TTC28: variants seen among roughly 807,000 people sequenced by gnomAD.
TTC28 encodes tetratricopeptide repeat protein 28.
Under a neutral mutation model 198.0 loss-of-function variants are expected in TTC28, and 61 were observed. The ratio of observed to expected loss-of-function variants is 0.31; its 90% CI spans 0.25 to 0.38. The LOEUF (loss-of-function observed/expected upper bound fraction) is 0.38. Among genes scored for constraint, TTC28 ranks in the 10% least tolerant of loss-of-function variants. The probability of loss-of-function intolerance (pLI) is 1.00; values close to 1 mark genes in which losing one functional copy is unlikely to be tolerated. For missense variants in TTC28, 2,678 were observed against 3,164.0 expected, an observed-to-expected ratio of 0.85 and a Z score of 3.69; for synonymous variants, 1,171 against 1,297.8, an observed-to-expected ratio of 0.90 and a Z score of 2.10.
chr22:28,403,225 T>C (rs1352880982), intron 2 of TTC28, among the ~76,000 whole-genome samples: 1 of 152,198 alleles, frequency 6.6e-6, no homozygotes, highest in Admixed American at 6.5e-5. Flanking sequence ...TAGTCTATTG[T>C]AACCAGCGCT....
rs113194642 is a variant in TTC28 at position 28,087,766 on chromosome 22, C to T, written c.3932+6314G>A. ...ATGATTGTATATCTAGAAAACCCCA[C>T]TGTCTCAGCCCAAAATCTCCTTAAG... On this transcript the variant is annotated intron_variant, in intron 12 of 22. Coordinates refer to ENST00000397906, the MANE Select transcript of TTC28 (RefSeq NM_001145418.2). 5.0e-3 allele frequency among the ~76,000 whole-genome samples: 757 copies of T among 152,170 alleles called. 7 individuals carry two copies. Among genetic ancestry groups the T allele is most frequent in the South Asian group, 0.023 (112 of 4,820 alleles).
chr22:28,032,239 TATATATATAAAATATATATATATATATA>T (rs1939148649), intron 12 of TTC28, among the ~76,000 whole-genome samples: 1 of 120,304 alleles, frequency 8.3e-6, no homozygotes, highest in African/African-American at 3.5e-5. Context: ...ATATAAAATA[TATATATATAAAATATATATATATATATA>T]GTGTGTGTGT....
intron 13 of TTC28, among the ~76,000 whole-genome samples, chr22:28,016,132 G>T (rs1033762519): frequency 1.3e-5 from 2 of 152,112 alleles, no homozygotes; most frequent in African/African-American, 4.8e-5. Flanking sequence ...AAGCAGAGCA[G>T]CAGGACTTGG....
intron 2 of TTC28, among the ~76,000 whole-genome samples, chr22:28,625,254 A>G (rs2051060905): frequency 6.6e-6 from 1 of 152,162 alleles, no homozygotes. Context: ...GCATACACAA[A>G]AGAAAGGAAG....
chr22:28,407,169 T>C (rs536688586), intron 2 of TTC28, among the ~76,000 whole-genome samples: 284 of 152,332 alleles, frequency 1.9e-3, no homozygotes, highest in Admixed American at 3.3e-3. Flanking sequence ...ATAGTGGACA[T>C]TTATTTATTC....
chr22:28,536,468 C>CA (rs2049281301), intron 2 of TTC28, among the ~76,000 whole-genome samples: 1 of 151,520 alleles, frequency 6.6e-6, no homozygotes, highest in East Asian at 2.0e-4. Context: ...ACTAAAAATA[C>CA]AAAAAATTAG....
intron 2 of TTC28, among the ~76,000 whole-genome samples, chr22:28,621,465 A>G (rs746456642): frequency 3.3e-5 from 5 of 152,088 alleles, no homozygotes; most frequent in Non-Finnish European, 7.3e-5. Context: ...CTATAATCCC[A>G]GCACTTCAGG....
chr22:28,303,872 A>T (rs916919714), intron 3 of TTC28: 11 of 152,062 alleles, frequency 7.2e-5, no homozygotes, highest in African/African-American at 2.6e-4. Context: ...AAAAAAAAAA[A>T]ATACAAAAAC....
chr22:28,087,137 G>C (rs1305501107), intron 12 of TTC28, among the ~76,000 whole-genome samples: 1 of 152,230 alleles, frequency 6.6e-6, no homozygotes, highest in South Asian at 2.1e-4. Context: ...TAGAAAAAGA[G>C]GGAATCCTCC....
At chr22:28,325,461 C>A (rs893748417) in intron 2 of TTC28, among the ~76,000 whole-genome samples, 6 of 152,050 alleles carry the variant, frequency 3.9e-5, no homozygotes, top group Non-Finnish European at 7.4e-5. Flanking sequence ...AACACTGAAA[C>A]ACAGTCCATA....
At chr22:28,216,882 T>C (rs1270271217) in intron 5 of TTC28, among the ~76,000 whole-genome samples, 1 of 152,004 alleles carries the variant, frequency 6.6e-6, no homozygotes, top group East Asian at 1.9e-4. Flanking sequence ...CCACCATGCT[T>C]GGCAATTTTT....
intron 2 of TTC28, among the ~76,000 whole-genome samples, chr22:28,493,896 C>T (rs532919599): frequency 4.4e-4 from 67 of 152,034 alleles, no homozygotes; most frequent in African/African-American, 1.4e-3. Context: ...AAGTAATTTG[C>T]GAAGGGAAAG....
In TTC28 at chr22:28,587,317, C is replaced by T. The variant is rs548181080; in HGVS notation, c.381+42235G>A. Among the ~76,000 whole-genome samples, 10 of 152,190 alleles carry T rather than the reference C, an allele frequency of 6.6e-5. No individual in the cohort carries two copies. In the South Asian group the frequency reaches 2.1e-3, roughly 32 times the overall value. ...CTGAGGAGGTAGAGGTTGCAGTGAGCGGAAATCGTGCCACTGCACTCCAAC... is the reference window on the plus strand; with the variant it reads ...CTGAGGAGGTAGAGGTTGCAGTGAGTGGAAATCGTGCCACTGCACTCCAAC... On this transcript the variant is annotated intron_variant, in intron 2 of 22. Transcript: ENST00000397906.
In TTC28 at chr22:28,629,306, TA is replaced by T. The variant is rs892550921; in HGVS notation, c.381+245del. 1.4e-3 allele frequency: 648 copies of T among 450,818 alleles called. 7 individuals carry two copies. In the East Asian group the frequency reaches 0.015, roughly 10 times the overall value. 27.9% of individuals were successfully genotyped at this position (450,818 alleles called of 1,614,324 possible). On this transcript the variant is annotated intron_variant, in intron 2 of 22. Transcript: ENST00000397906. ...TATCTTACTTATCAAGCGGCACAGA[TA>T]AAAAAAAATTTAAATCTCACACATA...
intron 5 of TTC28, among the ~76,000 whole-genome samples, chr22:28,204,603 G>A (rs1360275156): frequency 6.6e-6 from 1 of 152,008 alleles, no homozygotes; most frequent in Non-Finnish European, 1.5e-5. Flanking sequence ...CTCCGTGAAA[G>A]ACTACCCTGC....
At chr22:28,043,107 G>A (rs995811100) in intron 12 of TTC28, among the ~76,000 whole-genome samples, 6 of 151,890 alleles carry the variant, frequency 4.0e-5, no homozygotes, top group African/African-American at 1.5e-4. Context: ...AGCCAGGCAT[G>A]GTGGTGGGCA....
At chr22:28,135,834 G>A (rs1359530076) in intron 6 of TTC28, among the ~76,000 whole-genome samples, 16 of 152,036 alleles carry the variant, frequency 1.1e-4, no homozygotes. Flanking sequence ...GAAAGATCAA[G>A]AAATCTTAGA....
At chr22:28,141,056 C>T (rs746073168) in intron 6 of TTC28, among the ~76,000 whole-genome samples, 7 of 151,426 alleles carry the variant, frequency 4.6e-5, no homozygotes, top group South Asian at 2.1e-4. Flanking sequence ...TGATGAAACA[C>T]ATTCAGAGAG....
At chr22:28,083,881 G>C (rs1379751596) in intron 12 of TTC28, among the ~76,000 whole-genome samples, 1 of 152,258 alleles carries the variant, frequency 6.6e-6, no homozygotes, top group South Asian at 2.1e-4. Flanking sequence ...ACCTGGCTCA[G>C]AGGGTCCTAC....
Sources: allele counts gnomAD v4.1 joint callset (sites outside exome capture counted in the v4.1 genomes callset), GRCh38; gene constraint gnomAD v4.1.1; transcripts MANE v1.5; gene names NCBI Gene and HGNC (gene_info 2026-07-23, HGNC 2026-07-21).